The following ROBO1 variants were observed in gnomAD, a reference collection of about 807,000 sequenced individuals.
ROBO1 encodes roundabout guidance receptor 1.
ROBO1 carries 149 observed loss-of-function variants against 195.9 expected under a neutral mutation model. That is an observed-to-expected ratio of 0.76 (90% confidence interval 0.67 to 0.87). ROBO1 has a LOEUF of 0.87. Among genes scored for constraint, ROBO1 ranks in the 40% least tolerant of loss-of-function variants. The pLI is 0.00. For synonymous variants in ROBO1, 816 were observed against 733.2 expected, an observed-to-expected ratio of 1.11 and a Z score of -1.82; for missense variants, 1,933 against 2,068.3, an observed-to-expected ratio of 0.93 and a Z score of 1.27.
intron 1 of ROBO1, among the ~76,000 whole-genome samples, chr3:79,633,437 C>T (rs1945405786): frequency 6.7e-6 from 1 of 149,836 alleles, no homozygotes; most frequent in Non-Finnish European, 1.5e-5. Flanking sequence ...TGAGGAGGCT[C>T]AGCCTCCCAA....
intron 3 of ROBO1, among the ~76,000 whole-genome samples, 183 bp downstream of exon 3, chr3:79,125,273 T>C (rs2080193409): frequency 1.3e-5 from 2 of 152,214 alleles, no homozygotes; most frequent in Admixed American, 1.3e-4. Context: ...ACATTTCTGT[T>C]CTTAAAAGTG....
At chr3:79,337,059 C>T (rs577302793) in intron 2 of ROBO1, among the ~76,000 whole-genome samples, 1 of 152,202 alleles carries the variant, frequency 6.6e-6, no homozygotes, top group South Asian at 2.1e-4. Context: ...TACTCAATGC[C>T]TGTACCTCCA....
chr3:79,086,952 T>C (rs2079381929), intron 3 of ROBO1, among the ~76,000 whole-genome samples: 1 of 152,074 alleles, frequency 6.6e-6, no homozygotes, highest in South Asian at 2.1e-4. Context: ...TTTGCAAGAA[T>C]TTAAAGAGAA....
intron 3 of ROBO1, among the ~76,000 whole-genome samples, chr3:78,993,996 A>T (rs1336470591): frequency 6.6e-6 from 1 of 152,178 alleles, no homozygotes; most frequent in East Asian, 1.9e-4. Context: ...GCTTTAAAAA[A>T]AAAAATGACT....
intron 4 of ROBO1, among the ~76,000 whole-genome samples, chr3:78,920,308 T>C (rs899445425): frequency 6.6e-6 from 1 of 152,004 alleles, no homozygotes; most frequent in East Asian, 1.9e-4. Context: ...GGACAATTTT[T>C]TTTTTCTTTT....
chr3:78,611,730 T>C (rs1703825154), intron 28 of ROBO1, among the ~76,000 whole-genome samples: 1 of 152,164 alleles, frequency 6.6e-6, no homozygotes, highest in Non-Finnish European at 1.5e-5. Flanking sequence ...AATGTGACTG[T>C]ATTTGGAGTC....
intron 2 of ROBO1, among the ~76,000 whole-genome samples, chr3:79,258,091 T>A (rs2082871583): frequency 6.6e-6 from 1 of 152,138 alleles, no homozygotes; most frequent in African/African-American, 2.4e-5. Context: ...TTAGCTACAA[T>A]GACTTCAACC....
At chr3:79,478,977 A>C (rs1938687505) in intron 2 of ROBO1, among the ~76,000 whole-genome samples, 1 of 152,364 alleles carries the variant, frequency 6.6e-6, no homozygotes, top group East Asian at 1.9e-4. Context: ...TATGTACTCC[A>C]CTAAGCTGAG....
chr3:78,695,136 G>C (rs973418374), intron 8 of ROBO1, among the ~76,000 whole-genome samples: 2 of 134,868 alleles, frequency 1.5e-5, no homozygotes, highest in Non-Finnish European at 3.2e-5. Context: ...GGGGGAGGGG[G>C]GAGGACTAGC....
chr3:79,028,368 A>C (rs935485986), intron 3 of ROBO1, among the ~76,000 whole-genome samples: 2 of 151,826 alleles, frequency 1.3e-5, no homozygotes, highest in African/African-American at 4.8e-5. Flanking sequence ...CTCAAAGATC[A>C]TCATAAGAAT....
In ROBO1 at chr3:79,562,920, T is replaced by G. The variant is rs150359904; in HGVS notation, c.88+26904A>C. ...ATACCTAAAGCATATTGATCATAAA[T>G]GAACTAAAGACACTTTGACATATTT... On this transcript the variant is annotated intron_variant, in intron 2 of 30. Transcript: ENST00000464233. Among the ~76,000 whole-genome samples, 152 of 152,108 alleles carry G rather than the reference T, an allele frequency of 1.0e-3. 4 individuals carry two copies. The East Asian group carries it at 0.028, about 28-fold the overall frequency.
At chr3:79,026,795 C>A (rs1296589809) in intron 3 of ROBO1, among the ~76,000 whole-genome samples, 1 of 151,988 alleles carries the variant, frequency 6.6e-6, no homozygotes, top group Non-Finnish European at 1.5e-5. Context: ...TGAATGACAC[C>A]CTCCATAGCC....
intron 2 of ROBO1, among the ~76,000 whole-genome samples, chr3:79,378,628 C>A (rs78453416): frequency 0.066 from 9,974 of 152,220 alleles, 403 homozygotes; most frequent in East Asian, 0.14. Flanking sequence ...TATGTTATTT[C>A]TTGAAACTAA....
At chr3:78,955,723 C>T (rs577776285) in intron 3 of ROBO1, among the ~76,000 whole-genome samples, 56 of 152,210 alleles carry the variant, frequency 3.7e-4, no homozygotes, top group African/African-American at 1.3e-3. Context: ...TTACTAATGT[C>T]TGCAAGATAG....
At chr3:79,495,041 A>G (rs920343601) in intron 2 of ROBO1, among the ~76,000 whole-genome samples, 2 of 152,122 alleles carry the variant, frequency 1.3e-5, no homozygotes, top group African/African-American at 4.8e-5. Flanking sequence ...AGATAGATAG[A>G]TAATTTGTTT....
chr3:79,740,986 G>T (rs1703619132), intron 1 of ROBO1, among the ~76,000 whole-genome samples: 1 of 152,174 alleles, frequency 6.6e-6, no homozygotes, highest in African/African-American at 2.4e-5. Flanking sequence ...TCCTTTCAAG[G>T]AGATAGTGCA....
chr3:79,671,366 A>C (rs915051268), intron 1 of ROBO1, among the ~76,000 whole-genome samples: 1 of 151,886 alleles, frequency 6.6e-6, no homozygotes, highest in South Asian at 2.1e-4. Context: ...CAGAGAAAAC[A>C]AATAGGTACC....
chr3:78,862,543 T>G (rs904468732), intron 4 of ROBO1, among the ~76,000 whole-genome samples: 3 of 152,268 alleles, frequency 2.0e-5, no homozygotes, highest in Admixed American at 1.3e-4. Context: ...GCTAAATTTG[T>G]GGCAATTTGT....
intron 5 of ROBO1, among the ~76,000 whole-genome samples, chr3:78,743,677 C>T (rs531481145): frequency 1.2e-4 from 18 of 152,172 alleles, no homozygotes; most frequent in Non-Finnish European, 2.2e-4. Flanking sequence ...CATCTTGAGA[C>T]GACAGGTGTG....
Sources: gnomAD v4.1 joint callset for allele counts (sites outside exome capture counted in the v4.1 genomes callset) on GRCh38, gnomAD v4.1.1 for gene constraint, MANE v1.5 for transcripts, NCBI Gene and HGNC (gene_info 2026-07-23, HGNC 2026-07-21) for gene names.